Variants in GLIS3 observed in about 807,000 individuals in gnomAD.
GLIS3 encodes GLIS family zinc finger 3.
In GLIS3, 53 loss-of-function variants were observed where a neutral mutation model predicts 78.6. That is an observed-to-expected ratio of 0.67 (90% CI 0.54 to 0.85). GLIS3 has a LOEUF of 0.85. Among genes scored for constraint, GLIS3 ranks in the 40% least tolerant of loss-of-function variants. GLIS3 has a pLI of 0.00. For missense variants in GLIS3, 1,703 were observed against 1,231.1 expected, an observed-to-expected ratio of 1.38 and a Z score of -5.74; for synonymous variants, 684 against 509.9, an observed-to-expected ratio of 1.34 and a Z score of -4.60.
chr9:4,280,485 TGAGA>T (rs1369028405), intron 2 of GLIS3, among the ~76,000 whole-genome samples: 1 of 152,110 alleles, frequency 6.6e-6, no homozygotes, highest in Admixed American at 6.5e-5. Flanking sequence ...TCACCTTACT[TGAGA>T]GAGATAAAAG....
intron 4 of GLIS3, among the ~76,000 whole-genome samples, chr9:4,025,536 CA>C (rs1412080695): frequency 6.6e-6 from 1 of 151,968 alleles, no homozygotes; most frequent in Non-Finnish European, 1.5e-5. Flanking sequence ...TACAGGCACC[CA>C]CCACCATGCC....
the GLIS3 span, among the ~76,000 whole-genome samples, chr9:4,481,580 C>T: frequency 6.6e-6 from 1 of 151,548 alleles, no homozygotes; most frequent in African/African-American, 2.4e-5. Flanking sequence ...CCATGTAATT[C>T]CCATGTAATT....
intron 4 of GLIS3, among the ~76,000 whole-genome samples, chr9:4,093,760 G>A (rs1829713108): frequency 6.6e-6 from 1 of 152,026 alleles, no homozygotes; most frequent in African/African-American, 2.4e-5. Flanking sequence ...TATGTGTGCT[G>A]GATTTCATGC....
intron 4 of GLIS3, among the ~76,000 whole-genome samples, chr9:4,068,846 G>GTT (rs1827335970): frequency 7.0e-6 from 1 of 143,288 alleles, no homozygotes; most frequent in Non-Finnish European, 1.5e-5. Flanking sequence ...GTGTGTGTGT[G>GTT]TGTGTGTGTG....
chr9:4,195,896 A>G (rs1054628201), intron 2 of GLIS3, among the ~76,000 whole-genome samples: 1 of 152,274 alleles, frequency 6.6e-6, no homozygotes, highest in Non-Finnish European at 1.5e-5. Context: ...GTCTAGCTAG[A>G]GGATTGTAAA....
chr9:4,375,387 C>A, the GLIS3 span, among the ~76,000 whole-genome samples: 1 of 152,142 alleles, frequency 6.6e-6, no homozygotes, highest in African/African-American at 2.4e-5. Flanking sequence ...ATAGTATATA[C>A]AAGTTTCCTT....
chr9:4,201,246 T>TA (rs910185487), intron 2 of GLIS3, among the ~76,000 whole-genome samples: 1 of 152,002 alleles, frequency 6.6e-6, no homozygotes, highest in African/African-American at 2.4e-5. Context: ...AGACAAAACC[T>TA]AAAAGCATTC....
At chr9:3,885,572 A>ATT (rs1398197836) in intron 7 of GLIS3, among the ~76,000 whole-genome samples, 1 of 152,202 alleles carries the variant, frequency 6.6e-6, no homozygotes, top group African/African-American at 2.4e-5. Flanking sequence ...TTGGCTCACC[A>ATT]TTCATCTCTT....
chr9:4,366,435 T>C, the GLIS3 span, among the ~76,000 whole-genome samples: 1 of 152,146 alleles, frequency 6.6e-6, no homozygotes, highest in Non-Finnish European at 1.5e-5. Flanking sequence ...GCCCACACCA[T>C]GCCAAATAAT....
intron 2 of GLIS3, among the ~76,000 whole-genome samples, chr9:4,279,753 C>T (rs1020435783): frequency 5.0e-4 from 76 of 151,996 alleles, no homozygotes; most frequent in African/African-American, 1.8e-3. Flanking sequence ...TTTTAAAATA[C>T]TGATACTAGT....
At chr9:3,890,570 G>A (rs903201469) in intron 7 of GLIS3, among the ~76,000 whole-genome samples, 1 of 152,108 alleles carries the variant, frequency 6.6e-6, no homozygotes, top group Non-Finnish European at 1.5e-5. Flanking sequence ...ACTCTTTTAT[G>A]TTATCTCATT....
At chr9:3,835,566 G>A (rs1818299431) in intron 9 of GLIS3, among the ~76,000 whole-genome samples, 1 of 152,192 alleles carries the variant, frequency 6.6e-6, no homozygotes, top group Non-Finnish European at 1.5e-5. Flanking sequence ...GTCATCTATT[G>A]TTTGACTTTT....
intron 4 of GLIS3, among the ~76,000 whole-genome samples, chr9:3,960,773 C>G (rs569165682): frequency 7.0e-4 from 107 of 152,222 alleles, no homozygotes; most frequent in African/African-American, 2.5e-3. Context: ...TCAGCACTAC[C>G]CACTGGTGCC....
At chr9:4,364,046 C>G in the GLIS3 span, among the ~76,000 whole-genome samples, 1 of 152,174 alleles carries the variant, frequency 6.6e-6, no homozygotes, top group Non-Finnish European at 1.5e-5. Flanking sequence ...CCTATAGAGA[C>G]TTATCTAATA....
At chr9:4,480,004 C>G in the GLIS3 span, among the ~76,000 whole-genome samples, 3 of 150,728 alleles carry the variant, frequency 2.0e-5, no homozygotes, top group Non-Finnish European at 3.0e-5. Flanking sequence ...ATCCGCCCAC[C>G]TTGGCCTCCC....
intron 2 of GLIS3, among the ~76,000 whole-genome samples, chr9:4,332,636 C>T (rs7851757): frequency 0.083 from 12,623 of 152,236 alleles, 1,098 homozygotes; most frequent in African/African-American, 0.21. Flanking sequence ...CAACAGTATA[C>T]TCACTCTAAA....
intron 4 of GLIS3, among the ~76,000 whole-genome samples, chr9:3,953,787 C>CTA (rs1416684149): frequency 2.5e-3 from 112 of 44,328 alleles, no homozygotes; most frequent in Non-Finnish European, 4.6e-3. Flanking sequence ...CTCTCTCTCT[C>CTA]TCTCTCTCTA....
At chr9:4,487,103 G>A in the GLIS3 span, among the ~76,000 whole-genome samples, 151 of 152,158 alleles carry the variant, frequency 9.9e-4, 1 homozygote, top group African/African-American at 3.4e-3. Context: ...GGGTTCAAGC[G>A]ATTCTCCTGC....
intron 2 of GLIS3, among the ~76,000 whole-genome samples, chr9:4,226,142 A>G (rs1821749716): frequency 6.6e-6 from 1 of 152,200 alleles, no homozygotes; most frequent in African/African-American, 2.4e-5. Context: ...AGACAGTCAC[A>G]TTCACAAAAG....
Sources: gnomAD v4.1 joint callset for allele counts (sites outside exome capture counted in the v4.1 genomes callset) on GRCh38, gnomAD v4.1.1 for gene constraint, MANE v1.5 for transcripts, NCBI Gene and HGNC (gene_info 2026-07-23, HGNC 2026-07-21) for gene names.